PCDHGA6: variants seen among roughly 807,000 people sequenced by gnomAD.
PCDHGA6 encodes protocadherin gamma-A6.
A neutral mutation model predicts 60.6 loss-of-function variants in PCDHGA6; 41 were observed. The ratio of observed to expected loss-of-function variants is 0.68; its 90% CI spans 0.53 to 0.88. The LOEUF (loss-of-function observed/expected upper bound fraction) is 0.88. Among genes scored for constraint, PCDHGA6 ranks in the 40% least tolerant of loss-of-function variants. The pLI is 0.00. For synonymous variants in PCDHGA6, 594 were observed against 524.4 expected, an observed-to-expected ratio of 1.13 and a Z score of -1.81; for missense variants, 1,312 against 1,203.0, an observed-to-expected ratio of 1.09 and a Z score of -1.34.
At chr5:141,392,991 G>A in intron 1 of PCDHGA6, 1 of 1,613,904 alleles carries the variant, frequency 6.2e-7, no homozygotes, top group Middle Eastern at 1.7e-4. Flanking sequence ...CCGGAAGCTG[G>A]CGAAGCACGG....
intron 3 of PCDHGA6, among the ~76,000 whole-genome samples, chr5:141,505,956 T>C (rs1177913983): frequency 6.6e-6 from 1 of 152,102 alleles, no homozygotes; most frequent in Non-Finnish European, 1.5e-5. Flanking sequence ...TGAAAGTGGG[T>C]GTAGAAATCC....
intron 1 of PCDHGA6, chr5:141,423,780 T>C: frequency 8.0e-7 from 1 of 1,243,766 alleles, no homozygotes; most frequent in Non-Finnish European, 1.0e-6. Flanking sequence ...ATATATTTAG[T>C]TCATATATAT....
At chr5:141,413,381 G>T in intron 1 of PCDHGA6, 2 of 1,613,946 alleles carry the variant, frequency 1.2e-6, no homozygotes, top group Admixed American at 1.7e-5. Context: ...CGCGGAGTCC[G>T]CATAGTCTCC....
chr5:141,496,916 T>C (rs1252437822), intron 2 of PCDHGA6, among the ~76,000 whole-genome samples: 4 of 148,274 alleles, frequency 2.7e-5, no homozygotes, highest in African/African-American at 9.9e-5. Context: ...CTGGGCACTG[T>C]GGTTCACGCC....
chr5:141,403,809 A>C (rs1242181843), intron 1 of PCDHGA6: 1 of 1,613,904 alleles, frequency 6.2e-7, no homozygotes, highest in South Asian at 1.1e-5. Flanking sequence ...AAAATTAATG[A>C]AAAACAATCT....
chr5:141,504,824 C>T (rs537283013), intron 2 of PCDHGA6, among the ~76,000 whole-genome samples: 4 of 152,230 alleles, frequency 2.6e-5, no homozygotes, highest in South Asian at 4.1e-4. Context: ...TAGGTCCCCA[C>T]TTTTTCTCTA....
At position 141,503,992 on chromosome 5, in the gene PCDHGA6, A is replaced by G. The variant is rs1419698681; in HGVS notation, c.2484-1401A>G. 2.6e-5 allele frequency among the ~76,000 whole-genome samples: 4 copies of G among 152,116 alleles called. No homozygotes were observed. In the East Asian group the frequency reaches 7.7e-4, roughly 29 times the overall value. ...GGTGCCAAACCCTTCTTCTTACCTTACAGTCACTTAACTGTCTCTGCTGGT... is the reference window on the plus strand; with the variant it reads ...GGTGCCAAACCCTTCTTCTTACCTTGCAGTCACTTAACTGTCTCTGCTGGT... On this transcript the variant is annotated intron_variant, in intron 2 of 3. Transcript: ENST00000517434.
intron 1 of PCDHGA6, chr5:141,393,878 A>C: frequency 1.9e-6 from 3 of 1,614,022 alleles, no homozygotes; most frequent in Non-Finnish European, 2.5e-6. Context: ...TGTTTAGCCC[A>C]GTGTTAGAAA....
At chr5:141,385,163 A>G in intron 1 of PCDHGA6, 1 of 1,614,182 alleles carries the variant, frequency 6.2e-7, no homozygotes, top group Admixed American at 1.7e-5. Flanking sequence ...ACCTATTCCC[A>G]TGAGGTCTCC....
In PCDHGA6 at chr5:141,403,922, G is replaced by A. The variant is rs770450211; in HGVS notation, c.2424+27415G>A. ...TGAAATGGAAATACAAGCTGAAGAT[G>A]GTGGGGGATTGAAAGGGTGGACAAA... On this transcript the variant is annotated intron_variant, in intron 1 of 3. Transcript: ENST00000517434. 6.2e-6 allele frequency: 10 copies of A among 1,613,904 alleles called. No individual in the cohort carries two copies. The East Asian group carries it at 2.2e-4, about 36-fold the overall frequency.
At chr5:141,403,211 G>A (rs1253134514) in intron 1 of PCDHGA6, 2 of 1,613,856 alleles carry the variant, frequency 1.2e-6, no homozygotes, top group Non-Finnish European at 1.7e-6. Flanking sequence ...CTTGGTCACC[G>A]CGGGTAGGAT....
intron 1 of PCDHGA6, among the ~76,000 whole-genome samples, chr5:141,469,340 G>A (rs1412181099): frequency 6.6e-6 from 1 of 152,138 alleles, no homozygotes; most frequent in Non-Finnish European, 1.5e-5. Context: ...ACTTTGGGAG[G>A]CTGAGGTGGA....
chr5:141,490,700 C>T lies in PCDHGA6; in HGVS notation c.2425-4107C>T. The T allele has an allele frequency of 6.2e-7, 1 of 1,614,152 alleles. No individual in the cohort carries two copies. Among genetic ancestry groups the T allele is most frequent in the Non-Finnish European group, 8.5e-7 (1 of 1,179,984 alleles). ...TCAGATCCAGACACTGGGGATAATG[C>T]CCGCCTCACCTACTCCATTGTAGGA... On this transcript the variant is annotated intron_variant, in intron 1 of 3. Transcript: ENST00000517434. This position sits in a 1 kb window ranked among gnomAD's most constrained non-coding sequence, Gnocchi z 5.4.
In PCDHGA6 at chr5:141,389,793, C is replaced by T. The variant is rs773579820; in HGVS notation, c.2424+13286C>T. On this transcript the variant is annotated intron_variant, in intron 1 of 3. Coordinates refer to ENST00000517434, the MANE Select transcript of PCDHGA6 (RefSeq NM_018919.3). Reference sequence around the variant, plus strand: ...TGCCTTAGGCGACAGGGACGCCGTCCGCCAGCGCCTTCTGGTCGCCGTGCG... The same window carrying T: ...TGCCTTAGGCGACAGGGACGCCGTCTGCCAGCGCCTTCTGGTCGCCGTGCG... 8.7e-6 allele frequency: 14 copies of T among 1,613,452 alleles called. No homozygotes were observed. The Admixed American group carries it at 1.8e-4, about 21-fold the overall frequency.
chr5:141,403,762 T>G (rs1217388200), intron 1 of PCDHGA6: 1 of 1,613,854 alleles, frequency 6.2e-7, no homozygotes, highest in Non-Finnish European at 8.5e-7. Flanking sequence ...GCGACCTGGA[T>G]GAGGGAATCA....
chr5:141,423,573 C>G, intron 1 of PCDHGA6: 1 of 1,613,488 alleles, frequency 6.2e-7, no homozygotes, highest in South Asian at 1.1e-5. Context: ...CGCTCATCAG[C>G]CAGGAGAGCT....
chr5:141,489,229 G>C lies in PCDHGA6; in HGVS notation c.2425-5578G>C. The C allele has an allele frequency of 6.6e-7, 1 of 1,522,252 alleles. No homozygotes were observed. Among genetic ancestry groups the C allele is most frequent in the Non-Finnish European group, 8.8e-7 (1 of 1,133,810 alleles). The allele number at this position is 1,522,252 out of a possible 1,614,324, so 94.3% of individuals were successfully genotyped here. On this transcript the variant is annotated intron_variant, in intron 1 of 3. Coordinates refer to ENST00000517434, the MANE Select transcript of PCDHGA6 (RefSeq NM_018919.3). This position sits in a 1 kb window ranked among gnomAD's most constrained non-coding sequence, Gnocchi z 4.5. ...AGCACAGACTTACTCTCCACAAAGG[G>C]ACTTCTGGGTCATGGGGCCCAAGAC...
intron 2 of PCDHGA6, among the ~76,000 whole-genome samples, chr5:141,496,353 C>T (rs761547879): frequency 4.6e-5 from 7 of 152,210 alleles, no homozygotes; most frequent in Non-Finnish European, 8.8e-5. Context: ...AGTCTCAGAG[C>T]CCAGGGAGAG....
At position 141,486,927 on chromosome 5, in the gene PCDHGA6, G is replaced by T. The variant is rs2099637231; in HGVS notation, c.2425-7880G>T. On this transcript the variant is annotated intron_variant, in intron 1 of 3. Transcript: ENST00000517434. The surrounding 1 kb of genome is among the most constrained non-coding windows in gnomAD (Gnocchi z 5.0). ...CCCCAAGCACTGCCTCCATCAGTTG[G>T]TGCTGGCCACCTAATCACAAAGGTG... 1 of 1,614,108 alleles carries T rather than the reference G, an allele frequency of 6.2e-7. No homozygotes were observed. Among genetic ancestry groups the T allele is most frequent in the Non-Finnish European group, 8.5e-7 (1 of 1,180,054 alleles).
Sources: allele counts gnomAD v4.1 joint callset (sites outside exome capture counted in the v4.1 genomes callset), GRCh38; gene constraint gnomAD v4.1.1; non-coding constraint Gnocchi (gnomAD v3.1); transcripts MANE v1.5; gene names NCBI Gene and HGNC (gene_info 2026-07-23, HGNC 2026-07-21).